Variants in DNAJB7 observed in about 807,000 individuals in gnomAD.
DNAJB7 encodes DnaJ heat shock protein family (Hsp40) member B7.
Under a neutral mutation model 1.2 loss-of-function variants are expected in DNAJB7, and 1 was observed. The observed-to-expected ratio is 0.84, with a 90% confidence interval of 0.30 to 4.01. The LOEUF (loss-of-function observed/expected upper bound fraction) is 4.01. DNAJB7 is among the 30% of genes most tolerant of loss of function. The probability of loss-of-function intolerance (pLI) is 0.18; values close to 1 mark genes in which losing one functional copy is unlikely to be tolerated. For missense variants in DNAJB7, 420 were observed against 358.5 expected, an observed-to-expected ratio of 1.17 and a Z score of -1.39; for synonymous variants, 128 against 127.7, an observed-to-expected ratio of 1.00 and a Z score of -0.01.
chr22:40,860,754 G>A lies in DNAJB7; in HGVS notation c.*311C>T. ...TGCAACCTATGTCTTCCAGGCTCAA[G>A]CAGTCTTTCTACCAGCTTCCCGAGT... On this transcript the variant is annotated 3_prime_UTR_variant, in exon 1 of 1. Coordinates refer to ENST00000307221, the MANE Select transcript of DNAJB7 (RefSeq NM_145174.2). The A allele has an allele frequency of 1.3e-6, 1 of 758,086 alleles. No individual in the cohort carries two copies. The highest frequency in any genetic ancestry group is 2.1e-6 in the Non-Finnish European group (1 of 482,004). 47.0% of individuals were successfully genotyped at this position (758,086 alleles called of 1,614,324 possible).
In DNAJB7 at chr22:40,860,594, G is replaced by A. The variant is rs2057936875; in HGVS notation, c.*471C>T. The stretch of plus-strand genomic sequence containing the variant: ...GTTTTAATTAGAAAAAAGAAAAATA[G>A]GCTATAAACTCTACTAAAGAAAAAT... On this transcript the variant is annotated 3_prime_UTR_variant, in exon 1 of 1. Coordinates refer to ENST00000307221, the MANE Select transcript of DNAJB7 (RefSeq NM_145174.2). 2 of 1,214,276 alleles carry A rather than the reference G, an allele frequency of 1.6e-6. No individual in the cohort carries two copies. The highest frequency in any genetic ancestry group is 3.0e-5 in the Admixed American group (1 of 33,060). The allele number at this position is 1,214,276 out of a possible 1,614,324, so 75.2% of individuals were successfully genotyped here.
In DNAJB7 at chr22:40,861,381, A is replaced by G. The variant is rs746473785; in HGVS notation, c.614T>C (p.Ile205Thr). 7.4e-6 allele frequency: 12 copies of G among 1,613,698 alleles called. 1 individual carries two copies. Among genetic ancestry groups the G allele is most frequent in the East Asian group, 4.5e-5 (2 of 44,894 alleles). ...AGCTTCTCTTTCTTGATCACTTTCA[A>G]TAATTTTCTTTGTATTAATATTTCT... ...NGRNINTKKI[I>T]ESDQEREAED... Residue 205 changes from isoleucine to threonine, a missense_variant, in exon 1 of 1, where the codon ATT (isoleucine) becomes ACT (threonine). Ile to Thr is a moderately conservative substitution (Grantham distance 89). Coordinates refer to ENST00000307221, the MANE Select transcript of DNAJB7 (RefSeq NM_145174.2).
At position 40,861,189 on chromosome 22, in the gene DNAJB7, C is replaced by A. The variant is rs770631303; in HGVS notation, c.806G>T (p.Gly269Val). ...QYTFVDNDEG[G>V]ISWVTSNRDP... is the part of the protein sequence containing the mutation. ...TCTGTTGCTGGTAACCCAAGATATA[C>A]CTCCCTCATCATTGTCCACGAAAGT... The change falls in exon 1 of 1, where the codon GGT becomes GTT. Residue 269 changes from glycine (G) to valine (V), a missense_variant. Physicochemically the swap from Gly to Val is moderately radical, Grantham distance 109. Coordinates refer to ENST00000307221, the MANE Select transcript of DNAJB7 (RefSeq NM_145174.2). 1 of 1,613,936 alleles carries A rather than the reference C, an allele frequency of 6.2e-7. No homozygotes were observed. The highest frequency in any genetic ancestry group is 1.3e-5 in the African/African-American group (1 of 74,884).
chr22:40,861,980 A>C, the DNAJB7 span: 2 of 1,595,640 alleles, frequency 1.3e-6, no homozygotes, highest in African/African-American at 2.7e-5. Context: ...CTAGAACTTC[A>C]TAGTAATCCA....
In DNAJB7 at chr22:40,861,296, A is replaced by C; in HGVS notation, c.699T>G (p.Phe233Leu). The change falls in exon 1 of 1, where the codon TTT becomes TTG. Residue 233 changes from phenylalanine to leucine, a missense_variant. Transcript: ENST00000307221. The part of the protein sequence containing the change: ...LVNSVANEEG[F>L]AKECSWRTQS... ...GTGTTCTCCAGCTGCATTCTTTTGCAAAGCCCTCTTCATTGGCCACACTAT... is the reference window on the plus strand; with the variant it reads ...GTGTTCTCCAGCTGCATTCTTTTGCCAAGCCCTCTTCATTGGCCACACTAT... 5 of 1,614,172 alleles carry C rather than the reference A, an allele frequency of 3.1e-6. No individual in the cohort carries two copies. The highest frequency in any genetic ancestry group is 4.2e-6 in the Non-Finnish European group (5 of 1,180,022).
chr22:40,861,759 T>C lies in DNAJB7; in HGVS notation c.236A>G (p.His79Arg). The C allele has an allele frequency of 6.2e-7, 1 of 1,613,464 alleles. No homozygotes were observed. The highest frequency in any genetic ancestry group is 1.1e-5 in the South Asian group (1 of 90,886). ...GCCGTACTCACATTCATCATCAAAA[T>C]GACTTCCACCTCCGTTTAATCCTTC... Reference protein sequence around the residue: ...GTEGLNGGGSHFDDECEYGFT... With the variant: ...GTEGLNGGGSRFDDECEYGFT... Residue 79 changes from histidine (H) to arginine (R), a missense_variant, in exon 1 of 1, where the codon CAT becomes CGT. His to Arg is a conservative substitution (Grantham distance 29). Transcript: ENST00000307221.
At position 40,861,889 on chromosome 22, in the gene DNAJB7, G is replaced by T. The variant is rs561520701; in HGVS notation, c.106C>A (p.Pro36Thr). 2 of 1,613,650 alleles carry T rather than the reference G, an allele frequency of 1.2e-6. No homozygotes were observed. The highest frequency in any genetic ancestry group is 2.7e-5 in the African/African-American group (2 of 74,880). The change falls in exon 1 of 1, where the codon CCA becomes ACA. Residue 36 changes from proline (P) to threonine (T), a missense_variant. Transcript: ENST00000307221. The stretch of plus-strand genomic sequence containing the variant: ...CTCTCTGCTTCTTCTTTATTTTCTG[G>T]ATTTTTATCAGGGTGCCATTTAAGT... ...VALKWHPDKN[P>T]ENKEEAERKF...
In DNAJB7 at chr22:40,861,269, C is replaced by G; in HGVS notation, c.726G>C (p.Gln242His). Reference sequence around the variant, plus strand: ...AATTTGGTGAATAGTTGTTGAATGACTGTGTTCTCCAGCTGCATTCTTTTG... The same window carrying G: ...AATTTGGTGAATAGTTGTTGAATGAGTGTGTTCTCCAGCTGCATTCTTTTG... Reference protein sequence around the residue: ...GFAKECSWRTQSFNNYSPNSH... With the variant: ...GFAKECSWRTHSFNNYSPNSH... The change falls in exon 1 of 1, where the codon CAG becomes CAC. Residue 242 changes from glutamine to histidine, a missense_variant. Physicochemically the swap from Gln to His is conservative, Grantham distance 24. Transcript: ENST00000307221. 6.2e-7 allele frequency: 1 copy of G among 1,614,186 alleles called. No homozygotes were observed. Among genetic ancestry groups the G allele is most frequent in the African/African-American group, 1.3e-5 (1 of 75,058 alleles).
Position 40,861,158 on chromosome 22 carries a change from G to A in DNAJB7, c.837C>T (p.Pro279=), listed in dbSNP as rs1389671891. Residue 279 remains proline (P), a synonymous_variant, in exon 1 of 1, where the codon CCC becomes CCT. Transcript: ENST00000307221. ...GISWVTSNRD[P]PIFSAGVKEG... ...CTTTGACTCCTGCTGAGAAAATAGG[G>A]GGATCTCTGTTGCTGGTAACCCAAG... 1.2e-6 allele frequency: 2 copies of A among 1,613,910 alleles called. No homozygotes were observed. Among genetic ancestry groups the A allele is most frequent in the Admixed American group, 1.7e-5 (1 of 59,992 alleles).
In DNAJB7 at chr22:40,861,010, G is replaced by C. The variant is rs2145765155; in HGVS notation, c.*55C>G. On this transcript the variant is annotated 3_prime_UTR_variant, in exon 1 of 1. Coordinates refer to ENST00000307221, the MANE Select transcript of DNAJB7 (RefSeq NM_145174.2). ...ATTAAGTGTTATCTACAAAATTTGT[G>C]ATTAACCAAAACACACACAATTGTG... 6.7e-7 allele frequency: 1 copy of C among 1,500,916 alleles called. No individual in the cohort carries two copies. Among genetic ancestry groups the C allele is most frequent in the East Asian group, 2.3e-5 (1 of 44,206 alleles). The allele number at this position is 1,500,916 out of a possible 1,614,324, so 93.0% of individuals were successfully genotyped here.
chr22:40,861,995 G>GT lies in DNAJB7; in HGVS notation c.-2dup, dbSNP rs1005250864. ...CTAGAACTTCATAGTAATCCACCAT[G>GT]TTTTAACAGATAGTTGGAAGTGGGT... On this transcript the variant is annotated 5_prime_UTR_variant, in exon 1 of 1. Transcript: ENST00000307221. 7.0e-6 allele frequency: 11 copies of GT among 1,581,358 alleles called. No individual in the cohort carries two copies. In the African/African-American group the frequency reaches 1.5e-4, roughly 22 times the overall value.
At position 40,861,732 on chromosome 22, in the gene DNAJB7, A is replaced by G; in HGVS notation, c.263T>C (p.Phe88Ser). The part of the protein sequence containing the change: ...SHFDDECEYG[F>S]TFHKPDDVFK... Reference sequence around the variant, plus strand: ...AACATCATCTGGCTTATGGAATGTGAAGCCGTACTCACATTCATCATCAAA... The same window carrying G: ...AACATCATCTGGCTTATGGAATGTGGAGCCGTACTCACATTCATCATCAAA... Residue 88 changes from phenylalanine to serine, a missense_variant, in exon 1 of 1, where the codon TTC becomes TCC. By Grantham distance (155) the Phe-to-Ser change is radical. Coordinates refer to ENST00000307221, the MANE Select transcript of DNAJB7 (RefSeq NM_145174.2). The G allele has an allele frequency of 6.2e-7, 1 of 1,613,978 alleles. No individual in the cohort carries two copies. The highest frequency in any genetic ancestry group is 1.1e-5 in the South Asian group (1 of 91,002).
chr22:40,860,962 T>C lies in DNAJB7; in HGVS notation c.*103A>G, dbSNP rs2057940522. 1 of 1,108,182 alleles carries C rather than the reference T, an allele frequency of 9.0e-7. No homozygotes were observed. The highest frequency in any genetic ancestry group is 1.3e-6 in the Non-Finnish European group (1 of 786,218). 68.6% of individuals were successfully genotyped at this position (1,108,182 alleles called of 1,614,324 possible). A position where few individuals can be genotyped will look rare whatever the true frequency, so the allele number is the denominator to read the frequency against. On this transcript the variant is annotated 3_prime_UTR_variant, in exon 1 of 1. Coordinates refer to ENST00000307221, the MANE Select transcript of DNAJB7 (RefSeq NM_145174.2). ...CAAATGTCCACAATCCTGCTAAAAG[T>C]GTTGAAAAGCTCTTAGTATAGTATT...
Position 40,860,025 on chromosome 22 carries a change from TGTG to T in DNAJB7, c.*1037_*1039del, listed in dbSNP as rs1275080362. The T allele has an allele frequency of 6.6e-6, 1 of 152,176 alleles. No homozygotes were observed. Among genetic ancestry groups the T allele is most frequent in the Non-Finnish European group, 1.5e-5 (1 of 68,040 alleles). The allele number at this position is 152,176 out of a possible 1,614,324, so 9.4% of individuals were successfully genotyped here. A position where few individuals can be genotyped will look rare whatever the true frequency, so the allele number is the denominator to read the frequency against. On this transcript the variant is annotated 3_prime_UTR_variant, in exon 1 of 1. Transcript: ENST00000307221. ...GGATAAGACTGGCCTTTAAAAAAAA[TGTG>T]GTAAAATATACTACATAAAATTTAC...
In DNAJB7 at chr22:40,861,822, T is replaced by C; in HGVS notation, c.173A>G (p.Asn58Ser). 6.2e-7 allele frequency: 1 copy of C among 1,611,940 alleles called. No homozygotes were observed. The highest frequency in any genetic ancestry group is 8.5e-7 in the Non-Finnish European group (1 of 1,179,836). Residue 58 changes from asparagine (N) to serine (S), a missense_variant, in exon 1 of 1, where the codon AAT (asparagine) becomes AGT (serine). Coordinates refer to ENST00000307221, the MANE Select transcript of DNAJB7 (RefSeq NM_145174.2). Reference sequence around the variant, plus strand: ...ATCATAAATGTCCCGTTTCTCATCATTTGATAATACCTCGTATGCCTCAGC... The same window carrying C: ...ATCATAAATGTCCCGTTTCTCATCACTTGATAATACCTCGTATGCCTCAGC... ...EVAEAYEVLS[N>S]DEKRDIYDKY...
rs908098947 is a variant in DNAJB7, at chr22:40,861,677, T to A, written c.318A>T (p.Pro106=). The change falls in exon 1 of 1, where the codon CCA becomes CCT. Residue 106 remains proline (P), a synonymous_variant. Coordinates refer to ENST00000307221, the MANE Select transcript of DNAJB7 (RefSeq NM_145174.2). ...VFKEIFHERD[P]FSFHFFEDSL... ...AGTCTTCAAAGAAGTGAAAAGAAAA[T>A]GGATCCCTTTCATGAAAAATTTCTT... 8 of 1,613,976 alleles carry A rather than the reference T, an allele frequency of 5.0e-6. No homozygotes were observed. Among genetic ancestry groups the A allele is most frequent in the Non-Finnish European group, 5.9e-6 (7 of 1,180,016 alleles).
Position 40,862,028 on chromosome 22 carries a change from G to T in DNAJB7, c.-34C>A. On this transcript the variant is annotated 5_prime_UTR_variant, in exon 1 of 1. Coordinates refer to ENST00000307221, the MANE Select transcript of DNAJB7 (RefSeq NM_145174.2). ...AGATAGTTGGAAGTGGGTGTGCTGG[G>T]TATTGAGAACCGTGGTTTCCTCAGC... The T allele has an allele frequency of 1.9e-6, 3 of 1,548,678 alleles. No individual in the cohort carries two copies. The highest frequency in any genetic ancestry group is 2.6e-6 in the Non-Finnish European group (3 of 1,154,254).
Position 40,860,876 on chromosome 22 carries a change from GCACCAACTGT to G in DNAJB7, c.*179_*188del. The G allele has an allele frequency of 1.5e-6, 1 of 674,090 alleles. No individual in the cohort carries two copies. Among genetic ancestry groups the G allele is most frequent in the Non-Finnish European group, 2.4e-6 (1 of 415,312 alleles). The allele number at this position is 674,090 out of a possible 1,614,324, so 41.8% of individuals were successfully genotyped here. ...ATACTGCCCAGGCAAATTCTTATTA[GCACCAACTGT>G]CACCACAAACTCATCCTTTTCTGAC... On this transcript the variant is annotated 3_prime_UTR_variant, in exon 1 of 1. Transcript: ENST00000307221.
At position 40,861,038 on chromosome 22, in the gene DNAJB7, C is replaced by T; in HGVS notation, c.*27G>A. On this transcript the variant is annotated 3_prime_UTR_variant, in exon 1 of 1. Transcript: ENST00000307221. ...TAACCAAAACACACACAATTGTGTTCAAATGTTATATATTTGAAGAGTCAA... is the reference window on the plus strand; with the variant it reads ...TAACCAAAACACACACAATTGTGTTTAAATGTTATATATTTGAAGAGTCAA... The T allele has an allele frequency of 6.5e-7, 1 of 1,549,866 alleles. No homozygotes were observed. The highest frequency in any genetic ancestry group is 1.3e-5 in the South Asian group (1 of 78,610).
Sources: gnomAD v4.1 joint callset for allele counts on GRCh38, gnomAD v4.1.1 for gene constraint, MANE v1.5 for transcripts, NCBI Gene and HGNC (gene_info 2026-07-23, HGNC 2026-07-21) for gene names.